Variants in HTR4 observed in about 807,000 individuals in gnomAD.
The protein encoded by HTR4 is 5-hydroxytryptamine (serotonin) receptor 4, G protein-coupled.
Under a neutral mutation model 36.8 loss-of-function variants are expected in HTR4, and 16 were observed. That is an observed-to-expected ratio of 0.43 (90% confidence interval 0.29 to 0.66). The LOEUF is 0.66. HTR4 is among the 30% of genes least tolerant of loss of function. HTR4 has a pLI of 0.13. For synonymous variants in HTR4, 189 were observed against 185.1 expected (o/e 1.02, Z -0.17); for missense variants, 438 against 490.9 (o/e 0.89, Z 1.02).
chr5:148,465,899 A>T, intron 5 of HTR4: 1 of 1,613,716 alleles, frequency 6.2e-7, no homozygotes, highest in Non-Finnish European at 8.5e-7. Flanking sequence ...GAAGAGCAGG[A>T]GGAAGCTGGA....
At chr5:148,533,191 T>C (rs1341638384) in intron 4 of HTR4, among the ~76,000 whole-genome samples, 7 of 152,246 alleles carry the variant, frequency 4.6e-5, no homozygotes, top group African/African-American at 7.2e-5. Context: ...CAGCCTTCCA[T>C]TGGGTATCTC....
intron 4 of HTR4, among the ~76,000 whole-genome samples, chr5:148,539,639 G>A (rs190499099): frequency 6.6e-5 from 10 of 152,118 alleles, no homozygotes; most frequent in Non-Finnish European, 8.8e-5. Flanking sequence ...ATCACTGATC[G>A]TTAAAGAAAT....
At chr5:148,546,685 C>T (rs1003040680) in intron 4 of HTR4, among the ~76,000 whole-genome samples, 11 of 152,194 alleles carry the variant, frequency 7.2e-5, no homozygotes, top group Non-Finnish European at 1.5e-4. Flanking sequence ...TGCTTTTACA[C>T]AGGCCTTGAG....
chr5:148,483,984 C>T (rs1429557250), intron 6 of HTR4, among the ~76,000 whole-genome samples: 2 of 149,230 alleles, frequency 1.3e-5, no homozygotes, highest in East Asian at 2.0e-4. Flanking sequence ...TTTATTTGAG[C>T]CAAAATATAA....
At chr5:148,502,008 C>A (rs1010869061) in intron 6 of HTR4, among the ~76,000 whole-genome samples, 7 of 151,628 alleles carry the variant, frequency 4.6e-5, no homozygotes, top group African/African-American at 1.7e-4. Flanking sequence ...TGCAGTGAGC[C>A]CAGATCACAC....
intron 5 of HTR4, among the ~76,000 whole-genome samples, chr5:148,456,271 A>T (rs1356133649): frequency 6.6e-6 from 1 of 152,212 alleles, no homozygotes; most frequent in Non-Finnish European, 1.5e-5. Flanking sequence ...TAATAGGAGC[A>T]GATCTGGGGT....
chr5:148,548,214 A>G (rs1053909808), intron 4 of HTR4, among the ~76,000 whole-genome samples: 1 of 152,182 alleles, frequency 6.6e-6, no homozygotes, highest in African/African-American at 2.4e-5. Flanking sequence ...CACATACATA[A>G]ATATGTATAT....
chr5:148,611,714 T>A (rs1752437019), intron 2 of HTR4, among the ~76,000 whole-genome samples: 2 of 151,678 alleles, frequency 1.3e-5, no homozygotes, highest in African/African-American at 4.8e-5. Flanking sequence ...AATGCTCCAA[T>A]TAAAAGACAC....
At chr5:148,634,144 A>T (rs1276301051) in intron 2 of HTR4, among the ~76,000 whole-genome samples, 3 of 152,174 alleles carry the variant, frequency 2.0e-5, no homozygotes, top group Admixed American at 2.0e-4. Context: ...GTCTCTTGAC[A>T]TCTGGGGAAA....
intron 2 of HTR4, among the ~76,000 whole-genome samples, chr5:148,588,055 T>C (rs1373132298): frequency 6.6e-6 from 1 of 151,956 alleles, no homozygotes; most frequent in Non-Finnish European, 1.5e-5. Flanking sequence ...TTTAACCACA[T>C]AGGGAAGCGG....
chr5:148,567,519 T>C (rs1561624168), intron 2 of HTR4, among the ~76,000 whole-genome samples: 1 of 152,092 alleles, frequency 6.6e-6, no homozygotes, highest in Non-Finnish European at 1.5e-5. Flanking sequence ...CTACCGAGAC[T>C]TGGTAGAATA....
intron 2 of HTR4, among the ~76,000 whole-genome samples, chr5:148,584,944 C>A (rs1459977888): frequency 1.3e-5 from 2 of 152,136 alleles, no homozygotes; most frequent in African/African-American, 4.8e-5. Flanking sequence ...TGGCTGGCTG[C>A]ACCAGACCTG....
intron 2 of HTR4, among the ~76,000 whole-genome samples, chr5:148,632,731 T>C (rs1410617029): frequency 1.3e-5 from 2 of 152,082 alleles, no homozygotes; most frequent in Admixed American, 1.3e-4. Flanking sequence ...ACTTTCAAAT[T>C]ATAATAAACA....
At chr5:148,628,373 G>A (rs983348511) in intron 2 of HTR4, 4 of 152,230 alleles carry the variant, frequency 2.6e-5, no homozygotes, top group Non-Finnish European at 5.9e-5. Flanking sequence ...AGTGAGATCA[G>A]ATAGGTCACA....
chr5:148,506,153 A>G (rs1325208079), intron 6 of HTR4, among the ~76,000 whole-genome samples: 1 of 152,208 alleles, frequency 6.6e-6, no homozygotes, highest in African/African-American at 2.4e-5. Context: ...GCAAAACAGC[A>G]TGGTACTGGG....
At chr5:148,451,036 C>T in exon 6 of HTR4, 1 of 1,363,840 alleles carries the variant, frequency 7.3e-7, no homozygotes, top group Non-Finnish European at 1.0e-6. Flanking sequence ...TACCCCCCAA[C>T]ACTGTCCTCC....
intron 2 of HTR4, among the ~76,000 whole-genome samples, chr5:148,567,510 T>C (rs938713977): frequency 5.3e-5 from 8 of 152,138 alleles, no homozygotes; most frequent in Admixed American, 3.9e-4. Context: ...CCCAAGTTTC[T>C]ACCGAGACTT....
intron 4 of HTR4, among the ~76,000 whole-genome samples, chr5:148,542,991 G>A (rs941542571): frequency 6.6e-6 from 1 of 152,194 alleles, no homozygotes; most frequent in African/African-American, 2.4e-5. Context: ...CCAGTAACCA[G>A]GATGTGTCAT....
intron 5 of HTR4, among the ~76,000 whole-genome samples, chr5:148,512,377 C>T (rs1007417412): frequency 2.6e-5 from 4 of 152,116 alleles, no homozygotes; most frequent in Admixed American, 6.6e-5. Flanking sequence ...TTTGCCCTTT[C>T]GATATCCTGT....
Sources: gnomAD v4.1 joint callset for allele counts (sites outside exome capture counted in the v4.1 genomes callset) on GRCh38, gnomAD v4.1.1 for gene constraint, MANE v1.5 for transcripts, NCBI Gene and HGNC (gene_info 2026-07-23, HGNC 2026-07-21) for gene names.